Variants in POTEC observed in about 807,000 individuals in gnomAD.
The protein encoded by POTEC is POTE ankyrin domain family member C.
Under a neutral mutation model 62.0 loss-of-function variants are expected in POTEC, and 35 were observed. That is an observed-to-expected ratio of 0.56 (90% CI 0.43 to 0.75). The LOEUF (loss-of-function observed/expected upper bound fraction) is 0.75, where lower values mean the gene tolerates loss of function less well. Among genes scored for constraint, POTEC ranks in the 30% least tolerant of loss-of-function variants. The pLI is 0.00. For synonymous variants in POTEC, 156 were observed against 221.5 expected (o/e 0.70, Z 2.62); for missense variants, 472 against 655.9 (o/e 0.72, Z 3.06).
chr18:14,521,899 C>T (rs972501964), intron 9 of POTEC, among the ~76,000 whole-genome samples: 4 of 152,154 alleles, frequency 2.6e-5, no homozygotes, highest in African/African-American at 4.8e-5. Flanking sequence ...AACTACCTCT[C>T]GAGTATTTTG....
intron 6 of POTEC, chr18:14,528,828 A>T: frequency 2.5e-6 from 1 of 396,532 alleles, no homozygotes; most frequent in South Asian, 1.9e-5. Context: ...AACTTGCCTT[A>T]GCTAAGTATT....
At chr18:14,533,299 C>T in intron 4 of POTEC, 101 bp from the exon 5 acceptor site, 1 of 1,542,044 alleles carries the variant, frequency 6.5e-7, no homozygotes, top group Non-Finnish European at 8.7e-7. Context: ...CCTGTCCATG[C>T]AGAATCAAAC....
At chr18:14,526,256 C>T (rs1430205884) in intron 6 of POTEC, among the ~76,000 whole-genome samples, 1 of 152,030 alleles carries the variant, frequency 6.6e-6, no homozygotes, top group South Asian at 2.1e-4. Flanking sequence ...GCAGATCTTT[C>T]CCCAGATAAA....
At chr18:14,535,335 A>G (rs1905678033) in intron 3 of POTEC, among the ~76,000 whole-genome samples, 1 of 149,740 alleles carries the variant, frequency 6.7e-6, no homozygotes, top group Admixed American at 6.7e-5. Flanking sequence ...CGGGGGCTGT[A>G]TCTTTTATCT....
intron 6 of POTEC, among the ~76,000 whole-genome samples, chr18:14,526,061 C>T (rs1910427349): frequency 6.6e-6 from 1 of 151,840 alleles, no homozygotes; most frequent in Non-Finnish European, 1.5e-5. Flanking sequence ...ACCATCATGC[C>T]CAGCTAATTT....
chr18:14,526,981 G>A (rs1185499883), intron 6 of POTEC, among the ~76,000 whole-genome samples: 4 of 152,126 alleles, frequency 2.6e-5, no homozygotes, highest in African/African-American at 7.2e-5. Context: ...CACTTGGAAA[G>A]TCAATTCTAT....
intron 1 of POTEC, 58 bp downstream of exon 1, chr18:14,542,568 A>G (rs1905974362): frequency 1.2e-6 from 2 of 1,608,214 alleles, no homozygotes; most frequent in Admixed American, 3.3e-5. Flanking sequence ...CTGCGCCAGG[A>G]GGGTATGTCC....
chr18:14,510,640 C>A lies in POTEC; in HGVS notation c.*1258G>T, dbSNP rs1909979474. 1 of 152,268 alleles carries A rather than the reference C, an allele frequency of 6.6e-6. No homozygotes were observed. The highest frequency in any genetic ancestry group is 1.5e-5 in the Non-Finnish European group (1 of 68,116). 9.4% of individuals were successfully genotyped at this position (152,268 alleles called of 1,614,324 possible). On this transcript the variant is annotated 3_prime_UTR_variant, in exon 11 of 11. Coordinates refer to ENST00000358970, the MANE Select transcript of POTEC (RefSeq NM_001137671.2). ...GCCCTTCCCTCTGGGAGCTCTGTACCTCTGAGGTATGAACCTGTTGCCAAT... is the reference window on the plus strand; with the variant it reads ...GCCCTTCCCTCTGGGAGCTCTGTACATCTGAGGTATGAACCTGTTGCCAAT...
At chr18:14,530,629 T>G in intron 5 of POTEC, 76 bp from the exon 6 acceptor site, 1 of 1,134,520 alleles carries the variant, frequency 8.8e-7, no homozygotes, top group Middle Eastern at 3.2e-4. Flanking sequence ...TGTAAAATTC[T>G]TAGAGTATTT....
Position 14,543,119 on chromosome 18 carries a change from C to T in POTEC, c.28G>A (p.Ala10Thr), listed in dbSNP as rs45488295. MVTEVCSMP[A>T]ASAVKKPFDL... ...AATGGCTTCTTCACAGCAGAGGCAG[C>T]GGGCATTGAACAAACCTCAGTCACC... The change falls in exon 1 of 11, where the codon GCT becomes ACT. Residue 10 changes from alanine to threonine, a missense_variant. Ala to Thr is a moderately conservative substitution (Grantham distance 58). Coordinates refer to ENST00000358970, the MANE Select transcript of POTEC (RefSeq NM_001137671.2). The T allele has an allele frequency of 4.3e-5, 70 of 1,613,932 alleles. No individual in the cohort carries two copies. The highest frequency in any genetic ancestry group is 2.5e-4 in the Admixed American group (15 of 60,018).
intron 9 of POTEC, among the ~76,000 whole-genome samples, chr18:14,519,778 A>C (rs561398004): frequency 1.3e-5 from 2 of 152,128 alleles, no homozygotes; most frequent in African/African-American, 4.8e-5. Context: ...GGGAAACAAC[A>C]ATGTCCAAAA....
Position 14,509,667 on chromosome 18 carries a change from C to T in POTEC, c.*2231G>A, listed in dbSNP as rs1444417137. On this transcript the variant is annotated 3_prime_UTR_variant, in exon 11 of 11. Transcript: ENST00000358970. ...TGTACAGAAGCTATGGTGTGGGCAC[C>T]CGAAAGTGCCCTCTAAGCAGGTGTG... The T allele has an allele frequency of 1.3e-5, 2 of 150,844 alleles. No homozygotes were observed. The highest frequency in any genetic ancestry group is 4.1e-4 in the East Asian group (2 of 4,904). The allele number at this position is 150,844 out of a possible 1,614,324, so 9.3% of individuals were successfully genotyped here.
intron 9 of POTEC, among the ~76,000 whole-genome samples, chr18:14,515,531 GTAAAAAAA>G (rs1910123259): frequency 6.6e-6 from 1 of 152,014 alleles, no homozygotes; most frequent in Non-Finnish European, 1.5e-5. Flanking sequence ...CTCTCACCAT[GTAAAAAAA>G]TTAATTCAAG....
rs1307577219 is a variant in POTEC, at chr18:14,510,547, T to C, written c.*1351A>G. 2 of 151,998 alleles carry C rather than the reference T, an allele frequency of 1.3e-5. No homozygotes were observed. The allele number at this position is 151,998 out of a possible 1,614,324, so 9.4% of individuals were successfully genotyped here. A position where few individuals can be genotyped will look rare whatever the true frequency, so the allele number is the denominator to read the frequency against. On this transcript the variant is annotated 3_prime_UTR_variant, in exon 11 of 11. Coordinates refer to ENST00000358970, the MANE Select transcript of POTEC (RefSeq NM_001137671.2). ...CTGGGGGTCCACTCCAGTCGCCAAT[T>C]GCCTCGTATTTTCCAGTGGCTGAAG... is the stretch of plus-strand genomic sequence containing the variant.
chr18:14,511,665 A>T lies in POTEC; in HGVS notation c.*233T>A. On this transcript the variant is annotated 3_prime_UTR_variant, in exon 11 of 11. Transcript: ENST00000358970. ...GCAGTAGTCAGTCTACAATGACATG[A>T]TTGAATTTCCATTTCCAGTGTTTCC... 1 of 590,622 alleles carries T rather than the reference A, an allele frequency of 1.7e-6. No individual in the cohort carries two copies. Among genetic ancestry groups the T allele is most frequent in the Non-Finnish European group, 3.0e-6 (1 of 331,178 alleles). The allele number at this position is 590,622 out of a possible 1,614,324, so 36.6% of individuals were successfully genotyped here.
intron 6 of POTEC, among the ~76,000 whole-genome samples, 180 bp from the exon 7 acceptor site, chr18:14,525,163 A>G (rs1350054834): frequency 6.6e-6 from 1 of 152,032 alleles, no homozygotes; most frequent in Admixed American, 6.6e-5. Flanking sequence ...CCACTTGGGG[A>G]GACACCTGAT....
intron 9 of POTEC, among the ~76,000 whole-genome samples, chr18:14,520,146 A>T (rs1253002746): frequency 6.6e-6 from 1 of 152,194 alleles, no homozygotes; most frequent in Admixed American, 6.6e-5. Context: ...AGAATGTTGT[A>T]ATTTTCTTCC....
rs1318083290 is a variant in POTEC at position 14,509,001 on chromosome 18, C to A, written c.*2897G>T. 4 of 152,302 alleles carry A rather than the reference C, an allele frequency of 2.6e-5. No homozygotes were observed. The highest frequency in any genetic ancestry group is 9.6e-5 in the African/African-American group (4 of 41,568). The allele number at this position is 152,302 out of a possible 1,614,324, so 9.4% of individuals were successfully genotyped here. ...TTTTTGGAGGATTTTAAGGGGCCAA[C>A]ATGCAGCTCCCAATTCTTGGACTGT... On this transcript the variant is annotated 3_prime_UTR_variant, in exon 11 of 11. Transcript: ENST00000358970.
intron 6 of POTEC, among the ~76,000 whole-genome samples, 165 bp from the exon 7 acceptor site, chr18:14,525,148 A>G (rs900422553): frequency 2.0e-5 from 3 of 152,040 alleles, no homozygotes; most frequent in South Asian, 2.1e-4. Context: ...CAAAACTTCA[A>G]CAAACCACTT....
Sources: allele counts gnomAD v4.1 joint callset (sites outside exome capture counted in the v4.1 genomes callset), GRCh38; gene constraint gnomAD v4.1.1; transcripts MANE v1.5; gene names NCBI Gene and HGNC (gene_info 2026-07-23, HGNC 2026-07-21).